The following IGSF11 variants were observed in gnomAD, a reference collection of about 807,000 sequenced individuals.
IGSF11 encodes the protein CXADR like 1.
IGSF11 carries 22 observed loss-of-function variants against 41.0 expected under a neutral mutation model. The observed-to-expected ratio is 0.54, with a 90% CI of 0.38 to 0.77. The LOEUF (loss-of-function observed/expected upper bound fraction) is 0.77. IGSF11 is among the 30% of genes least tolerant of loss of function. The pLI is 0.00. For synonymous variants in IGSF11, 219 were observed against 201.3 expected, an observed-to-expected ratio of 1.09 and a Z score of -0.74; for missense variants, 444 against 530.8, an observed-to-expected ratio of 0.84 and a Z score of 1.61.
At chr3:119,085,712 T>C (rs561872618) in intron 1 of IGSF11, among the ~76,000 whole-genome samples, 8 of 152,324 alleles carry the variant, frequency 5.3e-5, no homozygotes, top group Admixed American at 5.2e-4. Flanking sequence ...CTGAACTTCT[T>C]GAGCTGAAGA....
intron 1 of IGSF11, among the ~76,000 whole-genome samples, chr3:118,968,243 G>A (rs1932933985): frequency 6.6e-6 from 1 of 152,202 alleles, no homozygotes; most frequent in Admixed American, 6.5e-5. Flanking sequence ...ACGACTAGGG[G>A]AAGGTGCTGA....
At chr3:118,920,110 T>A (rs1576367530) in intron 4 of IGSF11, among the ~76,000 whole-genome samples, 1 of 83,666 alleles carries the variant, frequency 1.2e-5, no homozygotes, top group East Asian at 4.0e-4. Context: ...GGGACTGTGG[T>A]GGGGTGGGGG....
At chr3:119,059,417 T>C (rs1941982047) in intron 1 of IGSF11, among the ~76,000 whole-genome samples, 2 of 151,634 alleles carry the variant, frequency 1.3e-5, no homozygotes, top group African/African-American at 4.9e-5. Flanking sequence ...AGGGGAAGGG[T>C]GGAGGGTGGT....
intron 2 of IGSF11, among the ~76,000 whole-genome samples, chr3:118,929,139 G>A (rs1942621651): frequency 6.6e-6 from 1 of 152,198 alleles, no homozygotes; most frequent in Admixed American, 6.5e-5. Flanking sequence ...GGGAAGTAGA[G>A]TTACAAGTCC....
chr3:118,964,514 T>C (rs889337749), intron 1 of IGSF11, among the ~76,000 whole-genome samples: 1 of 152,030 alleles, frequency 6.6e-6, no homozygotes, highest in Non-Finnish European at 1.5e-5. Flanking sequence ...CACAAATTAT[T>C]TGCAGGAAAA....
chr3:118,905,795 A>C, intron 4 of IGSF11, 77 bp from the exon 5 acceptor site: 1 of 1,516,898 alleles, frequency 6.6e-7, no homozygotes, highest in South Asian at 1.2e-5. Context: ...GAAGACCATA[A>C]AAACAGACGA....
intron 1 of IGSF11, among the ~76,000 whole-genome samples, chr3:119,076,232 C>T (rs1307472725): frequency 6.6e-6 from 1 of 152,200 alleles, no homozygotes. Context: ...AACTGGATCC[C>T]TTCCTTACAC....
At position 119,034,583 on chromosome 3, in the gene IGSF11, C is replaced by G; in HGVS notation, c.-1G>C. 1 of 1,589,666 alleles carries G rather than the reference C, an allele frequency of 6.3e-7. No individual in the cohort carries two copies. Among genetic ancestry groups the G allele is most frequent in the Non-Finnish European group, 8.6e-7 (1 of 1,169,340 alleles). ...CCAGAGGGGAACGCTGAGAAGTCATCCCGGGGCCGCAGGGAGCGCGCCTGC... is the reference window on the plus strand; with the variant it reads ...CCAGAGGGGAACGCTGAGAAGTCATGCCGGGGCCGCAGGGAGCGCGCCTGC... On this transcript the variant is annotated 5_prime_UTR_variant, in exon 1 of 7. Coordinates refer to ENST00000393775, the MANE Select transcript of IGSF11 (RefSeq NM_001015887.3).
chr3:119,061,918 G>C (rs1215566004), intron 1 of IGSF11, among the ~76,000 whole-genome samples: 6 of 152,158 alleles, frequency 3.9e-5, no homozygotes, highest in Non-Finnish European at 4.4e-5. Flanking sequence ...ATGCGAAATA[G>C]AGCTTTTGCA....
At chr3:119,065,275 C>T (rs1413418569) in intron 1 of IGSF11, among the ~76,000 whole-genome samples, 3 of 152,304 alleles carry the variant, frequency 2.0e-5, no homozygotes, top group South Asian at 4.1e-4. Context: ...AATGTCACCT[C>T]TCACTTTTTC....
chr3:118,923,651 C>T (rs1942033209), intron 4 of IGSF11, among the ~76,000 whole-genome samples: 1 of 152,172 alleles, frequency 6.6e-6, no homozygotes, highest in Non-Finnish European at 1.5e-5. Context: ...CATCCTACTG[C>T]TCAAGGTCAT....
intron 1 of IGSF11, among the ~76,000 whole-genome samples, chr3:119,053,713 A>C (rs372382709): frequency 1.3e-5 from 2 of 152,184 alleles, no homozygotes; most frequent in Non-Finnish European, 2.9e-5. Flanking sequence ...AGCCAAAGCA[A>C]GACTAAGCAA....
chr3:119,098,376 A>G (rs2076889661), intron 1 of IGSF11, among the ~76,000 whole-genome samples: 1 of 152,236 alleles, frequency 6.6e-6, no homozygotes. Context: ...CATTCAACGC[A>G]TGCTATGTGT....
At chr3:118,911,824 C>G (rs1396441589) in intron 4 of IGSF11, among the ~76,000 whole-genome samples, 1 of 152,040 alleles carries the variant, frequency 6.6e-6, no homozygotes, top group Non-Finnish European at 1.5e-5. Context: ...TTTGGGCAAA[C>G]CTGGTCTCTT....
chr3:118,958,301 GT>G (rs1945103073), intron 1 of IGSF11, among the ~76,000 whole-genome samples: 1 of 152,162 alleles, frequency 6.6e-6, no homozygotes. Flanking sequence ...GTTGACAAAT[GT>G]TGGCAATAAA....
intron 1 of IGSF11, among the ~76,000 whole-genome samples, chr3:119,029,997 C>T (rs1018351335): frequency 7.2e-5 from 11 of 152,150 alleles, no homozygotes; most frequent in East Asian, 1.9e-4. Flanking sequence ...TGGCTGCTAA[C>T]GTTGACCTAA....
At chr3:118,972,072 T>A (rs1933506919) in intron 1 of IGSF11, among the ~76,000 whole-genome samples, 1 of 152,148 alleles carries the variant, frequency 6.6e-6, no homozygotes, top group Non-Finnish European at 1.5e-5. Context: ...AAGGAGAAAT[T>A]CCCAAGTTCC....
At chr3:118,934,085 C>A (rs1391582490) in intron 1 of IGSF11, among the ~76,000 whole-genome samples, 2 of 152,188 alleles carry the variant, frequency 1.3e-5, no homozygotes, top group East Asian at 3.9e-4. Context: ...ACCCCACAGT[C>A]CTCACCAGGG....
chr3:119,087,827 A>G (rs1012732555), intron 1 of IGSF11, among the ~76,000 whole-genome samples: 1 of 152,164 alleles, frequency 6.6e-6, no homozygotes, highest in Non-Finnish European at 1.5e-5. Flanking sequence ...AAGAAGGACA[A>G]TGAAGGGCAT....
Sources: allele counts gnomAD v4.1 joint callset (sites outside exome capture counted in the v4.1 genomes callset), GRCh38; gene constraint gnomAD v4.1.1; transcripts MANE v1.5; gene names NCBI Gene and HGNC (gene_info 2026-07-23, HGNC 2026-07-21).